Variants in RAB25 observed in about 807,000 individuals in gnomAD.
The protein encoded by RAB25 is ras-related protein Rab-25.
In RAB25, 23 loss-of-function variants were observed where a neutral mutation model predicts 25.2. That is an observed-to-expected ratio of 0.91 (90% CI 0.66 to 1.29). The LOEUF is 1.29. Among genes scored for constraint, RAB25 ranks in the 50% most tolerant of loss-of-function variants. The probability of loss-of-function intolerance (pLI) is 0.00; values close to 1 mark genes in which losing one functional copy is unlikely to be tolerated. For missense variants in RAB25, 244 were observed against 277.3 expected, an observed-to-expected ratio of 0.88 and a Z score of 0.85; for synonymous variants, 102 against 111.5, an observed-to-expected ratio of 0.91 and a Z score of 0.54.
At chr1:156,068,752 G>A (rs766151802) in intron 3 of RAB25, among the ~76,000 whole-genome samples, 1 of 146,846 alleles carries the variant, frequency 6.8e-6, no homozygotes, top group Admixed American at 7.0e-5. Context: ...GCAGTGGTGC[G>A]ATCTCGGCTC....
At chr1:156,061,646 TG>T (rs1481563296) in intron 1 of RAB25, among the ~76,000 whole-genome samples, 3 of 152,168 alleles carry the variant, frequency 2.0e-5, no homozygotes, top group African/African-American at 7.2e-5. Context: ...TATGCTCTAC[TG>T]TGGTAAATAA....
At chr1:156,062,879 C>A (rs1572291427) in intron 1 of RAB25, among the ~76,000 whole-genome samples, 1 of 151,742 alleles carries the variant, frequency 6.6e-6, no homozygotes, top group East Asian at 2.0e-4. Flanking sequence ...CATGGGGAAA[C>A]CCTGTCTCTA....
chr1:156,069,453 A>T (rs1190734795), intron 3 of RAB25, among the ~76,000 whole-genome samples: 1 of 152,174 alleles, frequency 6.6e-6, no homozygotes, highest in Non-Finnish European at 1.5e-5. Context: ...TGCTGGGATT[A>T]CAGGCGTGAG....
At chr1:156,061,521 C>T in intron 1 of RAB25, 78 bp downstream of exon 1, 1 of 1,482,948 alleles carries the variant, frequency 6.7e-7, no homozygotes, top group Middle Eastern at 1.9e-4. Flanking sequence ...AGGGCCCCCT[C>T]CTGTTTTTTT....
At chr1:156,067,140 G>A (rs1558097859) in intron 2 of RAB25, among the ~76,000 whole-genome samples, 1 of 151,574 alleles carries the variant, frequency 6.6e-6, no homozygotes, top group African/African-American at 2.4e-5. Flanking sequence ...GGCTGAGACA[G>A]GAGAATCACT....
In RAB25 at chr1:156,066,120, T is replaced by TG. The variant is rs749795947; in HGVS notation, c.239+20dup. 2 of 1,447,002 alleles carry TG rather than the reference T, an allele frequency of 1.4e-6. No homozygotes were observed. The highest frequency in any genetic ancestry group is 2.1e-4 in the Middle Eastern group (1 of 4,802). 89.6% of individuals were successfully genotyped at this position (1,447,002 alleles called of 1,614,324 possible). ...CATCACCTCGGCGTGAGCCCGGGCCTGGGGGGCTGCTGGGTGGTGGGAGTT... is the reference window on the plus strand; with the variant it reads ...CATCACCTCGGCGTGAGCCCGGGCCTGGGGGGGCTGCTGGGTGGTGGGAGTT... On this transcript the variant is annotated intron_variant, in intron 2 of 4. Transcript: ENST00000361084.
chr1:156,067,162 G>A (rs1647768546), intron 2 of RAB25, among the ~76,000 whole-genome samples: 1 of 151,616 alleles, frequency 6.6e-6, no homozygotes, highest in African/African-American at 2.4e-5. Flanking sequence ...GAACCTGGGA[G>A]GTGGAGGTTG....
In RAB25 at chr1:156,068,428, G is replaced by A. The variant is rs371998982; in HGVS notation, c.398G>A (p.Arg133Gln). 1.4e-5 allele frequency: 23 copies of A among 1,613,846 alleles called. No individual in the cohort carries two copies. The highest frequency in any genetic ancestry group is 6.7e-5 in the East Asian group (3 of 44,876). The change falls in exon 3 of 5, where the codon CGG becomes CAG. Residue 133 changes from arginine to glutamine, a missense_variant. Coordinates refer to ENST00000361084, the MANE Select transcript of RAB25 (RefSeq NM_020387.4). ...VGNKSDLSQA[R>Q]EVPTEEARMF... ...AACAAAAGTGACCTCAGCCAGGCCC[G>A]GGAAGTGCCCACTGAGGAGGCCCGA...
chr1:156,068,296 T>G lies in RAB25; in HGVS notation c.266T>G (p.Leu89Arg). The G allele has an allele frequency of 6.2e-7, 1 of 1,613,664 alleles. No individual in the cohort carries two copies. Among genetic ancestry groups the G allele is most frequent in the East Asian group, 2.2e-5 (1 of 44,860 alleles). ...SAYYRGAVGA[L>R]LVFDLTKHQT... is the part of the protein sequence containing the mutation. ...TACTATCGTGGTGCAGTGGGGGCCCTCCTGGTGTTTGACCTAACCAAGCAC... is the reference window on the plus strand; with the variant it reads ...TACTATCGTGGTGCAGTGGGGGCCCGCCTGGTGTTTGACCTAACCAAGCAC... Residue 89 changes from leucine (L) to arginine (R), a missense_variant, in exon 3 of 5, where the codon CTC becomes CGC. Physicochemically the swap from Leu to Arg is moderately radical, Grantham distance 102. Transcript: ENST00000361084.
intron 3 of RAB25, among the ~76,000 whole-genome samples, chr1:156,069,055 C>A (rs952835312): frequency 6.6e-6 from 1 of 152,066 alleles, no homozygotes; most frequent in Non-Finnish European, 1.5e-5. Flanking sequence ...ATAGGCTTCC[C>A]AGGAGTTTTC....
chr1:156,066,080 GGAGCGGTACC>G lies in RAB25; in HGVS notation c.218_227del (p.Arg73ProfsTer19), dbSNP rs773342350. The G allele has an allele frequency of 3.7e-6, 6 of 1,607,682 alleles. No homozygotes were observed. Among genetic ancestry groups the G allele is most frequent in the Non-Finnish European group, 5.1e-6 (6 of 1,175,650 alleles). On this transcript the variant is annotated frameshift_variant, in exon 2 of 5. Transcript: ENST00000361084. LOFTEE classifies it high-confidence loss of function. The stretch of plus-strand genomic sequence containing the variant: ...CTCAGATCTGGGACACAGCTGGCCT[GGAGCGGTACC>G]GAGCCATCACCTCGGCGTGAGCCCG...
At position 156,068,397 on chromosome 1, in the gene RAB25, G is replaced by T; in HGVS notation, c.367G>T (p.Val123Leu). ...TGAAGCCACGATCGTCGTCATGCTC[G>T]TGGGTAACAAAAGTGACCTCAGCCA... ...HAEATIVVML[V>L]GNKSDLSQAR... The change falls in exon 3 of 5, where the codon GTG (valine) becomes TTG (leucine). Residue 123 changes from valine (V) to leucine (L), a missense_variant. Transcript: ENST00000361084. 2 of 1,614,048 alleles carry T rather than the reference G, an allele frequency of 1.2e-6. No individual in the cohort carries two copies. Among genetic ancestry groups the T allele is most frequent in the Non-Finnish European group, 1.7e-6 (2 of 1,180,016 alleles).
At chr1:156,069,956 T>G in intron 4 of RAB25, 2 of 878,302 alleles carry the variant, frequency 2.3e-6, no homozygotes, top group South Asian at 3.1e-5. Flanking sequence ...ACACTCCCCA[T>G]GGGGCTGACT....
chr1:156,063,255 C>T lies in RAB25; in HGVS notation c.43+1812C>T, dbSNP rs552910796. 7.9e-5 allele frequency among the ~76,000 whole-genome samples: 12 copies of T among 151,936 alleles called. No homozygotes were observed. The South Asian group carries it at 1.9e-3, about 24-fold the overall frequency. On this transcript the variant is annotated intron_variant, in intron 1 of 4. Coordinates refer to ENST00000361084, the MANE Select transcript of RAB25 (RefSeq NM_020387.4). ...ACAACCTCCGCCTCCTGGGTTCAAG[C>T]GATTCTCCTGCCTCAGCCTCCTGAG...
At chr1:156,066,178 A>T in intron 2 of RAB25, 72 bp downstream of exon 2, 10 of 1,059,468 alleles carry the variant, frequency 9.4e-6, no homozygotes, top group East Asian at 3.9e-5. Flanking sequence ...CTGGAGGAGA[A>T]GTGGGGGAGG....
intron 3 of RAB25, among the ~76,000 whole-genome samples, chr1:156,068,751 C>T (rs1432178904): frequency 1.4e-5 from 2 of 143,058 alleles, no homozygotes. Context: ...TGCAGTGGTG[C>T]GATCTCGGCT....
chr1:156,069,437 C>T (rs1159882465), intron 3 of RAB25, among the ~76,000 whole-genome samples: 1 of 152,174 alleles, frequency 6.6e-6, no homozygotes, highest in African/African-American at 2.4e-5. Flanking sequence ...CCTCAGCCTC[C>T]CAAAGTGCTG....
Position 156,069,710 on chromosome 1 carries a change from A to G in RAB25, c.473A>G (p.Asp158Gly), listed in dbSNP as rs765028300. The G allele has an allele frequency of 6.2e-7, 1 of 1,613,310 alleles. No homozygotes were observed. Among genetic ancestry groups the G allele is most frequent in the Non-Finnish European group, 8.5e-7 (1 of 1,179,440 alleles). ...GLLFLETSAL[D>G]STNVELAFET... ...CTCTTCCTGGAGACCTCAGCCCTGG[A>G]CTCTACCAATGTTGAGCTAGCCTTT... The change falls in exon 4 of 5, where the codon GAC (aspartate) becomes GGC (glycine). Residue 158 changes from aspartate to glycine, a missense_variant. Coordinates refer to ENST00000361084, the MANE Select transcript of RAB25 (RefSeq NM_020387.4).
chr1:156,066,957 T>G (rs1426918794), intron 2 of RAB25, among the ~76,000 whole-genome samples: 4 of 146,690 alleles, frequency 2.7e-5, no homozygotes, highest in Non-Finnish European at 6.0e-5. Flanking sequence ...AAGTGTCAGC[T>G]GGGCGCGGTA....
Sources: allele counts gnomAD v4.1 joint callset (sites outside exome capture counted in the v4.1 genomes callset), GRCh38; gene constraint gnomAD v4.1.1; transcripts MANE v1.5; gene names NCBI Gene and HGNC (gene_info 2026-07-23, HGNC 2026-07-21).